Variants in ANKRD10 observed in about 807,000 individuals in gnomAD.
ANKRD10 encodes ankyrin repeat domain-containing protein 10.
In ANKRD10, 14 loss-of-function variants were observed where a neutral mutation model predicts 27.0. The observed-to-expected ratio is 0.52, with a 90% CI of 0.34 to 0.81. The LOEUF is 0.81. Among genes scored for constraint, ANKRD10 ranks in the 40% least tolerant of loss-of-function variants. The probability of loss-of-function intolerance (pLI) is 0.01; values close to 1 mark genes in which losing one functional copy is unlikely to be tolerated. For missense variants in ANKRD10, 493 were observed against 544.0 expected (o/e 0.91, Z 0.93); for synonymous variants, 250 against 224.5 (o/e 1.11, Z -1.01).
intron 2 of ANKRD10, among the ~76,000 whole-genome samples, chr13:110,908,126 C>T (rs994152714): frequency 6.6e-6 from 1 of 152,118 alleles, no homozygotes; most frequent in African/African-American, 2.4e-5. Flanking sequence ...CCAGTCACAT[C>T]GCAGCCACAG....
chr13:110,899,100 G>A (rs1240539525), intron 3 of ANKRD10: 2 of 151,996 alleles, frequency 1.3e-5, no homozygotes, highest in Admixed American at 6.6e-5. Context: ...CACTCCACAG[G>A]TATTGACTTA....
rs1016581036 is a variant in ANKRD10 at position 110,909,092 on chromosome 13, A to G, written c.363+1526T>C. On this transcript the variant is annotated intron_variant, in intron 2 of 5. Coordinates refer to ENST00000267339, the MANE Select transcript of ANKRD10 (RefSeq NM_017664.4). The stretch of plus-strand genomic sequence containing the variant: ...TATCTACTGAAAATACTGAACTGCC[A>G]TAAGACACTTTGAAAAGGGGGCTTC... 1.7e-4 allele frequency among the ~76,000 whole-genome samples: 26 copies of G among 152,346 alleles called. No homozygotes were observed. The South Asian group carries it at 2.7e-3, about 16-fold the overall frequency.
intron 3 of ANKRD10, among the ~76,000 whole-genome samples, chr13:110,895,849 TA>T (rs2065212041): frequency 6.6e-6 from 1 of 152,214 alleles, no homozygotes; most frequent in Non-Finnish European, 1.5e-5. Flanking sequence ...AGTGTCAGCC[TA>T]CACATAGGTA....
At chr13:110,913,638 A>G (rs984580435) in intron 1 of ANKRD10, among the ~76,000 whole-genome samples, 2 of 152,204 alleles carry the variant, frequency 1.3e-5, no homozygotes, top group African/African-American at 4.8e-5. Flanking sequence ...AGCAAGGTAA[A>G]CCGCAACTTC....
chr13:110,908,052 A>AG (rs2065587285), intron 2 of ANKRD10, among the ~76,000 whole-genome samples: 1 of 152,068 alleles, frequency 6.6e-6, no homozygotes, highest in Non-Finnish European at 1.5e-5. Flanking sequence ...GAGAGAAGGT[A>AG]GCCAAGAGAA....
At chr13:110,887,709 C>T (rs1192085803) in intron 4 of ANKRD10, among the ~76,000 whole-genome samples, 1 of 152,208 alleles carries the variant, frequency 6.6e-6, no homozygotes, top group Non-Finnish European at 1.5e-5. Flanking sequence ...TGAACTTAGG[C>T]AAAGCTTGAG....
At chr13:110,891,598 T>G (rs2065074818) in intron 4 of ANKRD10, among the ~76,000 whole-genome samples, 1 of 152,228 alleles carries the variant, frequency 6.6e-6, no homozygotes, top group African/African-American at 2.4e-5. Flanking sequence ...ATGTTTCACT[T>G]GGACACACTC....
At chr13:110,910,375 T>TAATTACCA in intron 2 of ANKRD10, among the ~76,000 whole-genome samples, 1 of 152,172 alleles carries the variant, frequency 6.6e-6, no homozygotes, top group South Asian at 2.1e-4. Flanking sequence ...GCTATAACCT[T>TAATTACCA]GGGCACATCA....
Position 110,880,084 on chromosome 13 carries a change from A to G in ANKRD10, c.816T>C (p.Asn272=). The part of the protein sequence containing the change: ...TDMKNSSSVS[N]TLTNGCVING... ...TGATGACACATCCATTTGTCAATGT[A>G]TTCGATACGGAGCTACTGTTTTTCA... Residue 272 remains asparagine (N), a synonymous_variant, in exon 6 of 6, where the codon AAT becomes AAC. Coordinates refer to ENST00000267339, the MANE Select transcript of ANKRD10 (RefSeq NM_017664.4). The G allele has an allele frequency of 6.2e-7, 1 of 1,614,156 alleles. No homozygotes were observed. The highest frequency in any genetic ancestry group is 8.5e-7 in the Non-Finnish European group (1 of 1,179,994).
In ANKRD10 at chr13:110,889,068, A is replaced by T. The variant is rs186782376; in HGVS notation, c.691+3960T>A. 2.5e-3 allele frequency among the ~76,000 whole-genome samples: 383 copies of T among 152,178 alleles called. 3 individuals carry two copies. Among genetic ancestry groups the T allele is most frequent in the Non-Finnish European group, 4.4e-3 (302 of 68,028 alleles). On this transcript the variant is annotated intron_variant, in intron 4 of 5. Transcript: ENST00000267339. The stretch of plus-strand genomic sequence containing the variant: ...AGCAAAATCAAGTTTTCACTCATGG[A>T]AGGGACTGGCATTCTTTTCTAACCA...
At position 110,883,680 on chromosome 13, in the gene ANKRD10, G is replaced by C. The variant is rs751413527; in HGVS notation, c.787+18C>G. 1.2e-6 allele frequency: 2 copies of C among 1,612,762 alleles called. No individual in the cohort carries two copies. Among genetic ancestry groups the C allele is most frequent in the African/African-American group, 2.7e-5 (2 of 74,884 alleles). On this transcript the variant is annotated intron_variant, in intron 5 of 5. Transcript: ENST00000267339. Reference sequence around the variant, plus strand: ...ATTGGATTGTTGTTGCAGCTAACAGGAAACTGTCCACTCCCACCTGTTACA... The same window carrying C: ...ATTGGATTGTTGTTGCAGCTAACAGCAAACTGTCCACTCCCACCTGTTACA...
chr13:110,905,759 CCA>C (rs774524416), intron 3 of ANKRD10, among the ~76,000 whole-genome samples: 41 of 152,120 alleles, frequency 2.7e-4, no homozygotes, highest in Non-Finnish European at 5.0e-4. Context: ...AGTAATGATG[CCA>C]AGTTCCAAAT....
chr13:110,908,603 A>G (rs1472239353), intron 2 of ANKRD10, among the ~76,000 whole-genome samples: 1 of 152,202 alleles, frequency 6.6e-6, no homozygotes, highest in East Asian at 1.9e-4. Context: ...CCTGGATTGG[A>G]TTTGGCATCC....
intron 1 of ANKRD10, among the ~76,000 whole-genome samples, chr13:110,912,718 G>A (rs893549648): frequency 1.3e-5 from 2 of 152,232 alleles, no homozygotes; most frequent in East Asian, 1.9e-4. Context: ...TGCACCACTA[G>A]CACATTTCTA....
At position 110,909,797 on chromosome 13, in the gene ANKRD10, A is replaced by T. The variant is rs564142496; in HGVS notation, c.363+821T>A. ...CATGAAGGACTGAATCTTGGGAAAGAAAAGTAGAAAGACGACTTTGCATCC... is the reference window on the plus strand; with the variant it reads ...CATGAAGGACTGAATCTTGGGAAAGTAAAGTAGAAAGACGACTTTGCATCC... On this transcript the variant is annotated intron_variant, in intron 2 of 5. Coordinates refer to ENST00000267339, the MANE Select transcript of ANKRD10 (RefSeq NM_017664.4). Among the ~76,000 whole-genome samples, 14 of 152,358 alleles carry T rather than the reference A, an allele frequency of 9.2e-5. 1 individual carries two copies. The South Asian group carries it at 2.7e-3, about 29-fold the overall frequency.
At chr13:110,899,316 C>A (rs1392884623) in intron 3 of ANKRD10, 1 of 152,204 alleles carries the variant, frequency 6.6e-6, no homozygotes, top group Non-Finnish European at 1.5e-5. Flanking sequence ...CAGATGAAAT[C>A]TTCAAAACAG....
Position 110,878,614 on chromosome 13 carries a change from T to A in ANKRD10, c.*1023A>T, listed in dbSNP as rs2064754999. On this transcript the variant is annotated 3_prime_UTR_variant, in exon 6 of 6. Coordinates refer to ENST00000267339, the MANE Select transcript of ANKRD10 (RefSeq NM_017664.4). The stretch of plus-strand genomic sequence containing the variant: ...AATGTTAGTAACACTCTTAGAACAC[T>A]GGTTTGTTCATTTGACATTTTATCT... The A allele has an allele frequency of 6.6e-6, 1 of 152,520 alleles. No individual in the cohort carries two copies. Among genetic ancestry groups the A allele is most frequent in the African/African-American group, 2.4e-5 (1 of 41,468 alleles). The allele number at this position is 152,520 out of a possible 1,614,324, so 9.4% of individuals were successfully genotyped here.
rs188481938 is a variant in ANKRD10, at chr13:110,894,185, C to G, written c.456-922G>C. The G allele has an allele frequency of 3.7e-6, 6 of 1,611,716 alleles. No homozygotes were observed. The African/African-American group carries it at 6.7e-5, about 18-fold the overall frequency. On this transcript the variant is annotated intron_variant, in intron 3 of 5. Coordinates refer to ENST00000267339, the MANE Select transcript of ANKRD10 (RefSeq NM_017664.4). ...TTCCCCTGGAAGACAAGAATGTACA[C>G]TGCTCTGTGAAATAAACCTGTAAAA...
chr13:110,909,742 G>C (rs2065641457), intron 2 of ANKRD10, among the ~76,000 whole-genome samples: 1 of 152,156 alleles, frequency 6.6e-6, no homozygotes, highest in Non-Finnish European at 1.5e-5. Context: ...TTTTAGAAGA[G>C]GGACTAGCAA....
Sources: gnomAD v4.1 joint callset for allele counts (sites outside exome capture counted in the v4.1 genomes callset) on GRCh38, gnomAD v4.1.1 for gene constraint, MANE v1.5 for transcripts, NCBI Gene and HGNC (gene_info 2026-07-23, HGNC 2026-07-21) for gene names.